NCKAP5: variants seen among roughly 807,000 people sequenced by gnomAD.
NCKAP5 encodes nck-associated protein 5.
A neutral mutation model predicts 167.0 loss-of-function variants in NCKAP5; 92 were observed. The observed-to-expected ratio is 0.55, with a 90% CI of 0.47 to 0.66. NCKAP5 has a LOEUF of 0.66. Among genes scored for constraint, NCKAP5 ranks in the 30% least tolerant of loss-of-function variants. The probability of loss-of-function intolerance (pLI) is 0.00; values close to 1 mark genes in which losing one functional copy is unlikely to be tolerated. For synonymous variants in NCKAP5, 891 were observed against 877.4 expected (o/e 1.02, Z -0.27); for missense variants, 2,378 against 2,315.0 (o/e 1.03, Z -0.56).
intron 6 of NCKAP5, among the ~76,000 whole-genome samples, chr2:133,083,937 A>G (rs74788147): frequency 0.016 from 2,467 of 152,266 alleles, 70 homozygotes; most frequent in African/African-American, 0.056. Context: ...ATATAAAAGA[A>G]CAACTCTGGT....
chr2:133,096,215 G>A (rs553915813), intron 6 of NCKAP5, among the ~76,000 whole-genome samples: 9 of 152,284 alleles, frequency 5.9e-5, no homozygotes, highest in African/African-American at 1.9e-4. Context: ...ATTAGGCCAG[G>A]CACAATGGCT....
At chr2:133,664,159 CT>C in the NCKAP5 span, among the ~76,000 whole-genome samples, 75,750 of 149,956 alleles carry the variant, frequency 0.51, 19,697 homozygotes, top group African/African-American at 0.64. Context: ...TGAAAGTAAT[CT>C]TTTTTTTTTT....
At chr2:132,878,373 T>C (rs187541567) in intron 9 of NCKAP5, among the ~76,000 whole-genome samples, 1 of 152,316 alleles carries the variant, frequency 6.6e-6, no homozygotes, top group African/African-American at 2.4e-5. Context: ...TTTTTCCCTC[T>C]GGTTGCCAAC....
intron 9 of NCKAP5, among the ~76,000 whole-genome samples, chr2:132,876,521 A>C (rs1324305401): frequency 6.6e-6 from 1 of 152,248 alleles, no homozygotes; most frequent in African/African-American, 2.4e-5. Flanking sequence ...AACCTTGAAA[A>C]GAATTTCCAG....
At chr2:132,950,243 T>A (rs2076143392) in intron 8 of NCKAP5, among the ~76,000 whole-genome samples, 1 of 152,228 alleles carries the variant, frequency 6.6e-6, no homozygotes, top group African/African-American at 2.4e-5. Flanking sequence ...CATAAGATGA[T>A]CAGATAAATG....
chr2:133,085,722 G>A (rs752293288), intron 6 of NCKAP5, among the ~76,000 whole-genome samples: 4 of 152,092 alleles, frequency 2.6e-5, no homozygotes, highest in Non-Finnish European at 4.4e-5. Context: ...TTAATTCATC[G>A]CTGGTTTCCA....
chr2:133,333,273 T>C (rs1242622668), intron 3 of NCKAP5, among the ~76,000 whole-genome samples: 1 of 152,162 alleles, frequency 6.6e-6, no homozygotes, highest in Non-Finnish European at 1.5e-5. Context: ...TTTAGGTACT[T>C]TTCTCCCTCT....
chr2:133,356,027 A>G (rs1684693370), intron 3 of NCKAP5, among the ~76,000 whole-genome samples: 1 of 152,064 alleles, frequency 6.6e-6, no homozygotes. Flanking sequence ...ATAAGGCTTC[A>G]GAGATCCTCT....
intron 11 of NCKAP5, among the ~76,000 whole-genome samples, chr2:132,858,368 C>T (rs1047404027): frequency 3.9e-5 from 6 of 152,176 alleles, no homozygotes; most frequent in African/African-American, 1.4e-4. Flanking sequence ...AAATAACTCT[C>T]CAGAACAATG....
chr2:133,277,393 T>G (rs2089772792), intron 4 of NCKAP5, among the ~76,000 whole-genome samples: 1 of 152,150 alleles, frequency 6.6e-6, no homozygotes, highest in African/African-American at 2.4e-5. Context: ...GATATACTGA[T>G]AGAGAAAACC....
chr2:132,958,708 C>T (rs1160642464), intron 8 of NCKAP5, among the ~76,000 whole-genome samples: 1 of 152,168 alleles, frequency 6.6e-6, no homozygotes, highest in South Asian at 2.1e-4. Context: ...TGGCCTTTCA[C>T]CTTTGCAGCT....
At chr2:133,143,228 A>T (rs887968706) in intron 5 of NCKAP5, among the ~76,000 whole-genome samples, 1 of 152,146 alleles carries the variant, frequency 6.6e-6, no homozygotes, top group African/African-American at 2.4e-5. Context: ...AATTAGTGAG[A>T]GTTACCTGCC....
chr2:132,780,828 G>T (rs1682968405), intron 15 of NCKAP5, among the ~76,000 whole-genome samples: 1 of 152,158 alleles, frequency 6.6e-6, no homozygotes, highest in African/African-American at 2.4e-5. Flanking sequence ...GCTGGGAAAA[G>T]CAGCATTTCC....
chr2:133,608,035 T>C, the NCKAP5 span, among the ~76,000 whole-genome samples: 1 of 152,244 alleles, frequency 6.6e-6, no homozygotes, highest in Admixed American at 6.5e-5. Flanking sequence ...GAAACTTTTT[T>C]TAAAAACCTA....
At chr2:132,789,880 A>G in intron 13 of NCKAP5, 143 bp downstream of exon 13, 1 of 698,774 alleles carries the variant, frequency 1.4e-6, no homozygotes, top group South Asian at 2.4e-5. Flanking sequence ...GCATTGATGA[A>G]AGGATGTCAG....
At chr2:132,952,179 G>A (rs1329798156) in intron 8 of NCKAP5, among the ~76,000 whole-genome samples, 1 of 152,080 alleles carries the variant, frequency 6.6e-6, no homozygotes, top group Admixed American at 6.6e-5. Context: ...ACAACACTTT[G>A]TTCTAATTAT....
At chr2:132,843,310 A>C (rs1688428412) in intron 11 of NCKAP5, among the ~76,000 whole-genome samples, 1 of 152,080 alleles carries the variant, frequency 6.6e-6, no homozygotes, top group Admixed American at 6.6e-5. Context: ...CTTTTTCTAT[A>C]ATAGTATTGT....
chr2:132,719,578 G>A (rs750869870), intron 19 of NCKAP5, among the ~76,000 whole-genome samples: 1 of 152,216 alleles, frequency 6.6e-6, no homozygotes, highest in Non-Finnish European at 1.5e-5. Flanking sequence ...CACTTCGGTG[G>A]CAGTGAGGAT....
In NCKAP5 at chr2:132,863,340, C is replaced by T. The variant is rs142309302; in HGVS notation, c.688-2729G>A. Reference sequence around the variant, plus strand: ...CATTTGCAACATAGAGATATGGAAACGGAAGCATACAGTGTGGATATGCAA... The same window carrying T: ...CATTTGCAACATAGAGATATGGAAATGGAAGCATACAGTGTGGATATGCAA... On this transcript the variant is annotated intron_variant, in intron 10 of 19. Transcript: ENST00000409261. Among the ~76,000 whole-genome samples, 1,187 of 150,324 alleles carry T rather than the reference C, an allele frequency of 7.9e-3. 16 individuals are homozygous for T. Among genetic ancestry groups the T allele is most frequent in the African/African-American group, 0.028 (1,130 of 40,836 alleles).
Sources: gnomAD v4.1 joint callset for allele counts (sites outside exome capture counted in the v4.1 genomes callset) on GRCh38, gnomAD v4.1.1 for gene constraint, MANE v1.5 for transcripts, NCBI Gene and HGNC (gene_info 2026-07-23, HGNC 2026-07-21) for gene names.